SPIRE1: variants seen among roughly 807,000 people sequenced by gnomAD.
SPIRE1 encodes the protein spire type actin nucleation factor 1.
A neutral mutation model predicts 94.1 loss-of-function variants in SPIRE1; 40 were observed. That is an observed-to-expected ratio of 0.43 (90% CI 0.33 to 0.55). The LOEUF is 0.55. Ranked by LOEUF, SPIRE1 falls within the 20% of genes least tolerant of loss-of-function variation. The pLI is 0.06. For synonymous variants in SPIRE1, 376 were observed against 371.7 expected, an observed-to-expected ratio of 1.01 and a Z score of -0.13; for missense variants, 838 against 975.2, an observed-to-expected ratio of 0.86 and a Z score of 1.87.
rs373022941 is a variant in SPIRE1 at position 12,654,796 on chromosome 18, G to A, written c.337+2734C>T. Among the ~76,000 whole-genome samples the A allele has an allele frequency of 1.4e-4, 22 of 152,140 alleles. No individual in the cohort carries two copies. The East Asian group carries it at 3.3e-3, about 23-fold the overall frequency. On this transcript the variant is annotated intron_variant, in intron 1 of 16. Coordinates refer to ENST00000409402, the MANE Select transcript of SPIRE1 (RefSeq NM_001128626.2). Reference sequence around the variant, plus strand: ...TGCAATCCCAGCACTTTGGGAGGCCGAGGCAGGCGGATCATGAGGTCAAGA... The same window carrying A: ...TGCAATCCCAGCACTTTGGGAGGCCAAGGCAGGCGGATCATGAGGTCAAGA...
Position 12,570,837 on chromosome 18 carries a change from T to C in SPIRE1, c.373-23933A>G, listed in dbSNP as rs556398703. 7.9e-5 allele frequency among the ~76,000 whole-genome samples: 12 copies of C among 152,284 alleles called. 1 individual carries two copies. The East Asian group carries it at 2.3e-3, about 29-fold the overall frequency. On this transcript the variant is annotated intron_variant, in intron 2 of 16. Transcript: ENST00000409402. ...ATCAGATAACACACCAAATGAGGAC[T>C]TCCCTTGTTCCACACCACATAAATA...
intron 2 of SPIRE1, among the ~76,000 whole-genome samples, chr18:12,575,871 T>C (rs1233450363): frequency 2.6e-5 from 4 of 152,226 alleles, no homozygotes; most frequent in Non-Finnish European, 4.4e-5. Context: ...CTTAAAATCC[T>C]AGTTAAGATT....
chr18:12,549,436 G>GTTTTTTTTTTT lies in SPIRE1; in HGVS notation c.373-2533_373-2532insAAAAAAAAAAA, dbSNP rs1345452411. ...TTGCTTTTTGTTTGTTTTTGTTATT[G>GTTTTTTTTTTT]TTGTTTTTTTTTTTTTTTTTTTTTT... On this transcript the variant is annotated intron_variant, in intron 2 of 16. Coordinates refer to ENST00000409402, the MANE Select transcript of SPIRE1 (RefSeq NM_001128626.2). Among the ~76,000 whole-genome samples the GTTTTTTTTTTT allele has an allele frequency of 1.6e-3, 85 of 51,922 alleles. 1 individual carries two copies. Among genetic ancestry groups the GTTTTTTTTTTT allele is most frequent in the Non-Finnish European group, 2.3e-3 (61 of 26,822 alleles). The allele number at this position is 51,922 out of a possible 152,430, so 34.1% of individuals were successfully genotyped here.
intron 4 of SPIRE1, among the ~76,000 whole-genome samples, chr18:12,513,484 CTTAACTTTATTTA>C (rs960098207): frequency 1.1e-4 from 16 of 146,088 alleles, no homozygotes; most frequent in African/African-American, 3.3e-4. Context: ...ATAATGAATA[CTTAACTTTATTTA>C]TTTATTTATT....
chr18:12,536,086 G>A lies in SPIRE1; in HGVS notation c.604-485C>T, dbSNP rs552537064. Among the ~76,000 whole-genome samples, 25 of 152,178 alleles carry A rather than the reference G, an allele frequency of 1.6e-4. No individual in the cohort carries two copies. In the South Asian group the frequency reaches 5.2e-3, roughly 32 times the overall value. ...ATCAGTAAGGTCTACATAATTATACGGGAAAAGTGGTCCACTAACTAACAG... is the reference window on the plus strand; with the variant it reads ...ATCAGTAAGGTCTACATAATTATACAGGAAAAGTGGTCCACTAACTAACAG... On this transcript the variant is annotated intron_variant, in intron 3 of 16. Transcript: ENST00000409402.
intron 4 of SPIRE1, among the ~76,000 whole-genome samples, chr18:12,534,160 C>T (rs895543138): frequency 5.3e-5 from 8 of 152,188 alleles, no homozygotes; most frequent in African/African-American, 1.9e-4. Flanking sequence ...TTCATATATA[C>T]ACAATGGATC....
intron 1 of SPIRE1, among the ~76,000 whole-genome samples, chr18:12,641,350 A>G (rs1373774489): frequency 6.6e-6 from 1 of 151,462 alleles, no homozygotes; most frequent in Non-Finnish European, 1.5e-5. Context: ...TCTACAGCCT[A>G]ATCATACCCG....
intron 2 of SPIRE1, among the ~76,000 whole-genome samples, chr18:12,595,417 G>A (rs1365401802): frequency 1.3e-5 from 2 of 152,190 alleles, no homozygotes; most frequent in Non-Finnish European, 1.5e-5. Flanking sequence ...AGTCAAATGT[G>A]TTATACTCAG....
chr18:12,465,001 G>T, intron 10 of SPIRE1, 43 bp from the exon 11 acceptor site: 1 of 1,499,730 alleles, frequency 6.7e-7, no homozygotes, highest in Non-Finnish European at 9.3e-7. Flanking sequence ...TTAGACATTT[G>T]TGCTCTAGTG....
intron 10 of SPIRE1, among the ~76,000 whole-genome samples, chr18:12,478,576 T>C (rs144797455): frequency 2.0e-5 from 3 of 146,952 alleles, no homozygotes; most frequent in Admixed American, 6.8e-5. Context: ...TGTGTGAAGC[T>C]AGGGTGTGTA....
At chr18:12,453,985 A>G (rs1419573670) in intron 13 of SPIRE1, among the ~76,000 whole-genome samples, 4 of 150,928 alleles carry the variant, frequency 2.7e-5, no homozygotes, top group African/African-American at 9.8e-5. Context: ...GGGTTTCACC[A>G]TGTTGGCCAG....
At chr18:12,604,480 G>A (rs1250566272) in intron 2 of SPIRE1, among the ~76,000 whole-genome samples, 1 of 152,144 alleles carries the variant, frequency 6.6e-6, no homozygotes, top group Admixed American at 6.5e-5. Context: ...GGAAAGTTCT[G>A]TATTTTTCAT....
intron 2 of SPIRE1, among the ~76,000 whole-genome samples, chr18:12,598,492 A>T (rs2036741679): frequency 6.6e-6 from 1 of 152,084 alleles, no homozygotes; most frequent in Non-Finnish European, 1.5e-5. Context: ...ACTTCACCAG[A>T]CCAAATTAAC....
At chr18:12,461,786 TCTAA>T (rs1157790265) in intron 12 of SPIRE1, among the ~76,000 whole-genome samples, 2 of 151,998 alleles carry the variant, frequency 1.3e-5, no homozygotes, top group Non-Finnish European at 2.9e-5. Context: ...CGCCACCACA[TCTAA>T]CTAAGTTTTT....
chr18:12,621,173 T>A (rs2037457475), intron 2 of SPIRE1, among the ~76,000 whole-genome samples: 1 of 152,092 alleles, frequency 6.6e-6, no homozygotes, highest in African/African-American at 2.4e-5. Flanking sequence ...CAAAACCACA[T>A]GAAATACCAT....
chr18:12,575,452 A>G (rs111992640), intron 2 of SPIRE1, among the ~76,000 whole-genome samples: 6 of 152,220 alleles, frequency 3.9e-5, no homozygotes, highest in African/African-American at 1.4e-4. Context: ...TATAACATCA[A>G]ATCCCTGCCT....
intron 1 of SPIRE1, among the ~76,000 whole-genome samples, chr18:12,646,744 A>C (rs2038236499): frequency 6.6e-6 from 1 of 152,180 alleles, no homozygotes; most frequent in African/African-American, 2.4e-5. Flanking sequence ...CCACAGACTT[A>C]ATTTAAAAAA....
chr18:12,577,295 C>A (rs1393957466), intron 2 of SPIRE1, among the ~76,000 whole-genome samples: 1 of 151,934 alleles, frequency 6.6e-6, no homozygotes, highest in South Asian at 2.1e-4. Flanking sequence ...CTACAGGCGC[C>A]CGCCACCACG....
chr18:12,502,975 G>A (rs1486352301), intron 6 of SPIRE1, among the ~76,000 whole-genome samples: 2 of 152,016 alleles, frequency 1.3e-5, no homozygotes, highest in Admixed American at 6.6e-5. Context: ...TGGGCGTGGT[G>A]GCAGGCACCT....
Sources: gnomAD v4.1 joint callset for allele counts (sites outside exome capture counted in the v4.1 genomes callset) on GRCh38, gnomAD v4.1.1 for gene constraint, MANE v1.5 for transcripts, NCBI Gene and HGNC (gene_info 2026-07-23, HGNC 2026-07-21) for gene names.